Variants in KIAA1217 observed in about 807,000 individuals in gnomAD.
The protein encoded by KIAA1217 is KIAA1217, also known as sickle tail protein homolog.
KIAA1217 carries 88 observed loss-of-function variants against 163.9 expected under a neutral mutation model. The observed-to-expected ratio is 0.54, with a 90% CI of 0.45 to 0.64. KIAA1217 has a LOEUF of 0.64. Ranked by LOEUF, KIAA1217 falls within the 30% of genes least tolerant of loss-of-function variation. The probability of loss-of-function intolerance (pLI) is 0.00; values close to 1 mark genes in which losing one functional copy is unlikely to be tolerated. For synonymous variants in KIAA1217, 903 were observed against 923.1 expected, an observed-to-expected ratio of 0.98 and a Z score of 0.39; for missense variants, 2,372 against 2,475.0, an observed-to-expected ratio of 0.96 and a Z score of 0.88.
chr10:24,005,307 A>G (rs951473405), intron 1 of KIAA1217, among the ~76,000 whole-genome samples: 1 of 152,198 alleles, frequency 6.6e-6, no homozygotes, highest in Non-Finnish European at 1.5e-5. Flanking sequence ...ATTATTTTAT[A>G]TACATTTTTC....
intron 2 of KIAA1217, among the ~76,000 whole-genome samples, chr10:24,291,338 G>T (rs956750683): frequency 6.6e-6 from 1 of 152,124 alleles, no homozygotes; most frequent in Admixed American, 6.5e-5. Flanking sequence ...AGACCAGCCT[G>T]GCCAACATGG....
intron 1 of KIAA1217, among the ~76,000 whole-genome samples, chr10:23,852,330 A>G (rs1839390574): frequency 6.6e-6 from 1 of 152,052 alleles, no homozygotes; most frequent in African/African-American, 2.4e-5. Flanking sequence ...GTTGTAGATA[A>G]GCGGCGCTAT....
chr10:24,269,135 A>G (rs2076531637), intron 2 of KIAA1217, among the ~76,000 whole-genome samples: 1 of 145,990 alleles, frequency 6.8e-6, no homozygotes, highest in Non-Finnish European at 1.5e-5. Context: ...GGTGCAGCGC[A>G]CCAGCATGGC....
chr10:24,122,871 T>A (rs1435146803), intron 2 of KIAA1217, among the ~76,000 whole-genome samples: 1 of 151,800 alleles, frequency 6.6e-6, no homozygotes, highest in Non-Finnish European at 1.5e-5. Flanking sequence ...ATTGCTCTTT[T>A]GACTTTTAAA....
chr10:23,926,996 T>G (rs181635202), intron 1 of KIAA1217, among the ~76,000 whole-genome samples: 2 of 151,922 alleles, frequency 1.3e-5, no homozygotes, highest in African/African-American at 4.8e-5. Flanking sequence ...CAGCCTCGAC[T>G]TCCCAGGTTC....
chr10:23,952,845 T>G (rs779256671), intron 1 of KIAA1217, among the ~76,000 whole-genome samples: 14 of 152,252 alleles, frequency 9.2e-5, no homozygotes, highest in Non-Finnish European at 2.1e-4. Flanking sequence ...ATTTCAGCTT[T>G]CTTATTATGA....
intron 8 of KIAA1217, 97 bp from the exon 9 acceptor site, chr10:24,501,282 C>T: frequency 2.8e-6 from 3 of 1,089,382 alleles, no homozygotes; most frequent in Non-Finnish European, 3.9e-6. Flanking sequence ...GAGAATTAGG[C>T]CTTTTTAGAA....
chr10:24,225,123 C>T (rs1039258691), intron 2 of KIAA1217, among the ~76,000 whole-genome samples: 1 of 152,080 alleles, frequency 6.6e-6, no homozygotes. Context: ...CCATGCCTGG[C>T]CCAATCATTT....
intron 1 of KIAA1217, among the ~76,000 whole-genome samples, chr10:23,947,264 T>C (rs111580691): frequency 2.0e-5 from 3 of 152,208 alleles, no homozygotes; most frequent in African/African-American, 7.2e-5. Context: ...CATTCATCTC[T>C]AATAAAATGT....
intron 1 of KIAA1217, among the ~76,000 whole-genome samples, chr10:23,885,075 C>T (rs1841114197): frequency 6.6e-6 from 1 of 151,878 alleles, no homozygotes; most frequent in Non-Finnish European, 1.5e-5. Flanking sequence ...TTTCCAGAAG[C>T]CAAAGAACAG....
chr10:24,140,913 A>G (rs982085549), intron 2 of KIAA1217, among the ~76,000 whole-genome samples: 1 of 152,200 alleles, frequency 6.6e-6, no homozygotes, highest in Non-Finnish European at 1.5e-5. Context: ...CTAAAACAAT[A>G]TTAAATAATA....
chr10:24,397,394 A>G (rs965175001), intron 3 of KIAA1217, among the ~76,000 whole-genome samples: 2 of 152,072 alleles, frequency 1.3e-5, no homozygotes, highest in African/African-American at 4.8e-5. Context: ...GGCTGATGTA[A>G]GAAACTCTTA....
At chr10:24,324,124 TA>T (rs1431119451) in intron 2 of KIAA1217, among the ~76,000 whole-genome samples, 9 of 150,616 alleles carry the variant, frequency 6.0e-5, no homozygotes, top group Non-Finnish European at 1.2e-4. Context: ...TTAAATTAGC[TA>T]AACATGGTAA....
chr10:23,815,985 G>A (rs1837297582), intron 1 of KIAA1217, among the ~76,000 whole-genome samples: 4 of 152,108 alleles, frequency 2.6e-5, no homozygotes, highest in Admixed American at 2.6e-4. Context: ...TGTCTTCCCT[G>A]GATGTTAAGT....
intron 1 of KIAA1217, among the ~76,000 whole-genome samples, chr10:23,807,062 C>T (rs907148714): frequency 6.6e-6 from 1 of 152,192 alleles, no homozygotes; most frequent in East Asian, 1.9e-4. Flanking sequence ...CAAATGTTGC[C>T]TTAGAGCAGG....
At chr10:23,854,261 A>G (rs1304220792) in intron 1 of KIAA1217, among the ~76,000 whole-genome samples, 3 of 151,972 alleles carry the variant, frequency 2.0e-5, no homozygotes, top group African/African-American at 4.8e-5. Flanking sequence ...CTGCCTTCAT[A>G]TCATTATGTA....
chr10:24,376,005 C>A (rs2052435879), intron 2 of KIAA1217, among the ~76,000 whole-genome samples: 1 of 152,196 alleles, frequency 6.6e-6, no homozygotes, highest in Admixed American at 6.5e-5. Context: ...GTTGTTATCT[C>A]CAAATCCAAT....
At chr10:24,474,321 G>A (rs2063798374) in intron 6 of KIAA1217, among the ~76,000 whole-genome samples, 1 of 152,174 alleles carries the variant, frequency 6.6e-6, no homozygotes, top group African/African-American at 2.4e-5. Flanking sequence ...TTGTGCCTCT[G>A]GAGCATGGAT....
intron 1 of KIAA1217, among the ~76,000 whole-genome samples, chr10:23,963,920 A>T: frequency 6.9e-6 from 1 of 144,630 alleles, no homozygotes. Context: ...TTTGAGACAG[A>T]GTCTCATTCT....
Sources: gnomAD v4.1 joint callset for allele counts (sites outside exome capture counted in the v4.1 genomes callset) on GRCh38, gnomAD v4.1.1 for gene constraint, MANE v1.5 for transcripts, NCBI Gene and HGNC (gene_info 2026-07-23, HGNC 2026-07-21) for gene names.